The following IQGAP2 variants were observed in gnomAD, a reference collection of about 807,000 sequenced individuals.
IQGAP2 encodes ras GTPase-activating-like protein IQGAP2.
IQGAP2 carries 173 observed loss-of-function variants against 201.3 expected under a neutral mutation model. The observed-to-expected ratio is 0.86, with a 90% CI of 0.76 to 0.98. The LOEUF is 0.98. Ranked by LOEUF, IQGAP2 falls within the 50% of genes least tolerant of loss-of-function variation. IQGAP2 has a pLI of 0.00. For missense variants in IQGAP2, 1,687 were observed against 1,864.8 expected (o/e 0.90, Z 1.76); for synonymous variants, 675 against 673.9 (o/e 1.00, Z -0.03).
chr5:76,515,905 T>A (rs1321897390), intron 2 of IQGAP2, among the ~76,000 whole-genome samples: 1 of 121,782 alleles, frequency 8.2e-6, no homozygotes, highest in South Asian at 2.5e-4. Flanking sequence ...TGAGATAGAG[T>A]CTTACTCTGT....
chr5:76,610,669 A>G (rs948841990), intron 12 of IQGAP2, among the ~76,000 whole-genome samples: 2 of 152,102 alleles, frequency 1.3e-5, no homozygotes, highest in African/African-American at 4.8e-5. Flanking sequence ...ACAATACTAA[A>G]TCTTCCAATT....
At position 76,666,830 on chromosome 5, in the gene IQGAP2, A is replaced by T. The variant is rs540798120; in HGVS notation, c.2679+1655A>T. Among the ~76,000 whole-genome samples the T allele has an allele frequency of 4.6e-5, 7 of 152,270 alleles. No individual in the cohort carries two copies. In the South Asian group the frequency reaches 1.5e-3, roughly 32 times the overall value. On this transcript the variant is annotated intron_variant, in intron 22 of 35. Coordinates refer to ENST00000274364, the MANE Select transcript of IQGAP2 (RefSeq NM_006633.5). Reference sequence around the variant, plus strand: ...GCAACCACAGCTCACTGCAGCCTTCATCTCCTGGGCTCAAGCAATCCTCCC... The same window carrying T: ...GCAACCACAGCTCACTGCAGCCTTCTTCTCCTGGGCTCAAGCAATCCTCCC...
At chr5:76,621,042 A>C (rs1456326123) in intron 13 of IQGAP2, among the ~76,000 whole-genome samples, 1 of 152,226 alleles carries the variant, frequency 6.6e-6, no homozygotes, top group African/African-American at 2.4e-5. Context: ...TTCTATGCCA[A>C]ATATAAACCT....
At chr5:76,487,754 C>T (rs934668051) in intron 2 of IQGAP2, among the ~76,000 whole-genome samples, 1 of 152,200 alleles carries the variant, frequency 6.6e-6, no homozygotes, top group African/African-American at 2.4e-5. Context: ...GACACTGCAT[C>T]TGTCTGTTCT....
At chr5:76,450,938 A>G (rs1753701838) in intron 1 of IQGAP2, among the ~76,000 whole-genome samples, 2 of 150,798 alleles carry the variant, frequency 1.3e-5, no homozygotes, top group Admixed American at 1.3e-4. Flanking sequence ...GCCCTGAATC[A>G]TGTGTTAATT....
At chr5:76,590,379 C>G in intron 7 of IQGAP2, 29 bp from the exon 8 acceptor site, 1 of 1,550,978 alleles carries the variant, frequency 6.4e-7, no homozygotes, top group African/African-American at 1.4e-5. Flanking sequence ...TGATAAAAAC[C>G]TTTTTCTCTC....
chr5:76,432,707 A>G (rs1000753564), intron 1 of IQGAP2, among the ~76,000 whole-genome samples: 4 of 152,270 alleles, frequency 2.6e-5, no homozygotes, highest in Admixed American at 1.3e-4. Context: ...GTTAGCTGAT[A>G]CTTCCTACCT....
intron 1 of IQGAP2, among the ~76,000 whole-genome samples, chr5:76,424,320 A>AT (rs1224540725): frequency 1.3e-5 from 2 of 148,268 alleles, no homozygotes; most frequent in Non-Finnish European, 3.0e-5. Flanking sequence ...ATTTTATTTT[A>AT]TTTTTTGAGA....
At chr5:76,430,031 G>A (rs780688730) in intron 1 of IQGAP2, among the ~76,000 whole-genome samples, 2 of 152,110 alleles carry the variant, frequency 1.3e-5, no homozygotes, top group Non-Finnish European at 2.9e-5. Flanking sequence ...TGAGGTCCTA[G>A]TGCAGCCCTC....
intron 33 of IQGAP2, chr5:76,699,644 TC>T (rs1747112313): frequency 8.0e-6 from 1 of 125,744 alleles, no homozygotes; most frequent in Admixed American, 8.1e-5. Context: ...TCTCTCTCTC[TC>T]TCTCTCTCTC....
intron 20 of IQGAP2, 32 bp downstream of exon 20, chr5:76,655,035 A>AT (rs777534032): frequency 1.5e-5 from 22 of 1,516,400 alleles, no homozygotes; most frequent in Middle Eastern, 3.4e-4. Flanking sequence ...CAAAGCAAGG[A>AT]TTTTTTATAA....
At chr5:76,693,114 T>G (rs1015606388) in intron 30 of IQGAP2, among the ~76,000 whole-genome samples, 7 of 152,252 alleles carry the variant, frequency 4.6e-5, no homozygotes, top group Admixed American at 1.3e-4. Flanking sequence ...TGTGCCCATG[T>G]TACTGACAGT....
At chr5:76,413,113 G>A (rs1751214374) in intron 1 of IQGAP2, among the ~76,000 whole-genome samples, 1 of 146,374 alleles carries the variant, frequency 6.8e-6, no homozygotes, top group South Asian at 2.2e-4. Flanking sequence ...ACAGAATGTG[G>A]ATTTAAAATC....
chr5:76,416,279 G>T (rs958303961), intron 1 of IQGAP2, among the ~76,000 whole-genome samples: 1 of 152,270 alleles, frequency 6.6e-6, no homozygotes, highest in East Asian at 1.9e-4. Context: ...TGCTGCTTTC[G>T]TCACTCAAAT....
chr5:76,480,209 G>C (rs1755689882), intron 2 of IQGAP2, among the ~76,000 whole-genome samples: 1 of 152,044 alleles, frequency 6.6e-6, no homozygotes, highest in South Asian at 2.1e-4. Flanking sequence ...GCCTGCTCAG[G>C]GAGAAGCAAA....
At chr5:76,694,351 T>C (rs975013041) in intron 31 of IQGAP2, among the ~76,000 whole-genome samples, 13 of 152,202 alleles carry the variant, frequency 8.5e-5, no homozygotes, top group African/African-American at 3.1e-4. Context: ...TTTTAAACAA[T>C]GTGGGTAAAA....
intron 14 of IQGAP2, among the ~76,000 whole-genome samples, chr5:76,631,430 A>G (rs147124176): frequency 1.2e-3 from 179 of 152,288 alleles, no homozygotes; most frequent in African/African-American, 4.0e-3. Flanking sequence ...AGCACTATAC[A>G]AGAGAATACC....
rs1754321266 is a variant in IQGAP2, at chr5:76,459,753, C to T, written c.47-1817C>T. ...TCCTGGGTTGAAGCGATTCTCCTGC[C>T]TGAGCCTCCTGAGTAGCTGGGATTA... On this transcript the variant is annotated intron_variant, in intron 1 of 35. Coordinates refer to ENST00000274364, the MANE Select transcript of IQGAP2 (RefSeq NM_006633.5). 3.3e-5 allele frequency among the ~76,000 whole-genome samples: 5 copies of T among 152,144 alleles called. No homozygotes were observed. The South Asian group carries it at 1.0e-3, about 32-fold the overall frequency.
intron 2 of IQGAP2, among the ~76,000 whole-genome samples, chr5:76,482,078 T>C (rs1755824804): frequency 6.6e-6 from 1 of 152,136 alleles, no homozygotes; most frequent in Non-Finnish European, 1.5e-5. Flanking sequence ...ACAGGAAAAA[T>C]TTACAACAGA....
Sources: gnomAD v4.1 joint callset for allele counts (sites outside exome capture counted in the v4.1 genomes callset) on GRCh38, gnomAD v4.1.1 for gene constraint, MANE v1.5 for transcripts, NCBI Gene and HGNC (gene_info 2026-07-23, HGNC 2026-07-21) for gene names.